The following TRIQK variants were observed in gnomAD, a reference collection of about 807,000 sequenced individuals.
The protein encoded by TRIQK is triple QxxK/R motif-containing protein.
Under a neutral mutation model 10.8 loss-of-function variants are expected in TRIQK, and 10 were observed. That is an observed-to-expected ratio of 0.92 (90% CI 0.57 to 1.57). The LOEUF is 1.57. Ranked by LOEUF, TRIQK falls within the 40% of genes most tolerant of loss-of-function variation. TRIQK has a pLI of 0.00. For synonymous variants in TRIQK, 33 were observed against 33.7 expected (o/e 0.98, Z 0.07); for missense variants, 107 against 97.7 (o/e 1.09, Z -0.40).
At chr8:92,999,204 C>T (rs1208888535) in intron 1 of TRIQK, among the ~76,000 whole-genome samples, 3 of 152,152 alleles carry the variant, frequency 2.0e-5, no homozygotes, top group Non-Finnish European at 4.4e-5. Flanking sequence ...TTGTTGAATA[C>T]TAGCTATTGC....
At chr8:93,017,239 C>A (rs563100855) in intron 1 of TRIQK, among the ~76,000 whole-genome samples, 1 of 151,158 alleles carries the variant, frequency 6.6e-6, no homozygotes, top group African/African-American at 2.4e-5. Flanking sequence ...AATAAGACTG[C>A]GCATGTTTAG....
At chr8:93,017,113 GAGAGAGAGAGAGA>G (rs1813391682) in intron 1 of TRIQK, among the ~76,000 whole-genome samples, 1 of 316 alleles carries the variant, frequency 3.2e-3, no homozygotes, top group South Asian at 0.17. Context: ...TATACTTGGA[GAGAGAGAGAGAGA>G]GAGAGAGAGA....
At chr8:92,889,603 G>A (rs1187847976) in intron 4 of TRIQK, among the ~76,000 whole-genome samples, 1 of 151,570 alleles carries the variant, frequency 6.6e-6, no homozygotes, top group African/African-American at 2.4e-5. Context: ...AACACTGAAG[G>A]AGAGACTTAC....
intron 1 of TRIQK, among the ~76,000 whole-genome samples, chr8:92,998,525 C>G (rs1813175904): frequency 6.6e-6 from 1 of 151,892 alleles, no homozygotes; most frequent in Non-Finnish European, 1.5e-5. Context: ...CATTTTATAT[C>G]TCATCAAAGA....
chr8:92,884,725 T>C lies in TRIQK; in HGVS notation c.*1897A>G, dbSNP rs1816379230. 2.4e-6 allele frequency: 1 copy of C among 410,482 alleles called. No individual in the cohort carries two copies. The highest frequency in any genetic ancestry group is 2.6e-5 in the Admixed American group (1 of 38,662). The allele number at this position is 410,482 out of a possible 1,614,324, so 25.4% of individuals were successfully genotyped here. The stretch of plus-strand genomic sequence containing the variant: ...AAGTATCTAATAAGCAATTATTACA[T>C]ATCCTCTCATTTAAATTACCACTGA... On this transcript the variant is annotated 3_prime_UTR_variant, in exon 5 of 5. Transcript: ENST00000521988.
intron 2 of TRIQK, among the ~76,000 whole-genome samples, chr8:92,931,745 G>T (rs954755507): frequency 6.6e-6 from 1 of 152,034 alleles, no homozygotes; most frequent in Admixed American, 6.6e-5. Context: ...GAGTCAAAGA[G>T]GGCCCCATTC....
rs955286247 is a variant in TRIQK at position 92,884,050 on chromosome 8, T to C, written c.*2572A>G. 1.8e-4 allele frequency: 28 copies of C among 151,942 alleles called. No homozygotes were observed. Among genetic ancestry groups the C allele is most frequent in the Middle Eastern group, 3.4e-3 (1 of 294 alleles). 9.4% of individuals were successfully genotyped at this position (151,942 alleles called of 1,614,324 possible). On this transcript the variant is annotated 3_prime_UTR_variant, in exon 5 of 5. Transcript: ENST00000521988. ...TAGTTGAAATTTATTTTGCAGAGTA[T>C]GTTAACAAACATATTCTAACACTTA...
chr8:92,899,386 C>A (rs2130330088), intron 3 of TRIQK, among the ~76,000 whole-genome samples: 1 of 152,044 alleles, frequency 6.6e-6, no homozygotes, highest in South Asian at 2.1e-4. Context: ...CCCACTCCTT[C>A]CACCCCCTCC....
chr8:92,998,665 A>G (rs1385059089), intron 1 of TRIQK, among the ~76,000 whole-genome samples: 1 of 152,104 alleles, frequency 6.6e-6, no homozygotes, highest in Non-Finnish European at 1.5e-5. Context: ...TATCTCAAAT[A>G]AAATGTTAAT....
At chr8:92,985,220 CTGTG>C (rs34545263) in intron 1 of TRIQK, among the ~76,000 whole-genome samples, 117 of 151,152 alleles carry the variant, frequency 7.7e-4, no homozygotes, top group Admixed American at 1.8e-3. Flanking sequence ...GTGAGATTAT[CTGTG>C]TGTGTGTGTG....
chr8:92,960,503 T>C (rs1290336336), intron 1 of TRIQK: 1 of 152,130 alleles, frequency 6.6e-6, no homozygotes, highest in African/African-American at 2.4e-5. Flanking sequence ...TAAGTTACCT[T>C]AGATTGCAGA....
Position 92,906,662 on chromosome 8 carries a change from T to C in TRIQK, c.61+10267A>G, listed in dbSNP as rs118190238. 1.3e-3 allele frequency among the ~76,000 whole-genome samples: 200 copies of C among 149,930 alleles called. 7 individuals are homozygous for C. In the East Asian group the frequency reaches 0.035, roughly 26 times the overall value. ...TTAAAAACATTTCTTCCTCTTCCTT[T>C]ATGCCAAATCACAATAGAATAAAGG... On this transcript the variant is annotated intron_variant, in intron 3 of 4. Coordinates refer to ENST00000521988, the MANE Select transcript of TRIQK (RefSeq NM_001171797.2).
At chr8:92,991,853 A>G (rs78245058) in intron 1 of TRIQK, among the ~76,000 whole-genome samples, 103 of 152,270 alleles carry the variant, frequency 6.8e-4, no homozygotes, top group African/African-American at 2.3e-3. Context: ...ATTCCTATAC[A>G]CTAACGATAG....
At chr8:92,986,727 G>A (rs180719560) in intron 1 of TRIQK, among the ~76,000 whole-genome samples, 2 of 152,162 alleles carry the variant, frequency 1.3e-5, no homozygotes, top group Admixed American at 1.3e-4. Flanking sequence ...GATAAAATTT[G>A]TTTCATTGTA....
chr8:92,886,660 T>C lies in TRIQK; in HGVS notation c.223A>G (p.Thr75Ala), dbSNP rs911972861. 2 of 1,531,538 alleles carry C rather than the reference T, an allele frequency of 1.3e-6. No homozygotes were observed. The highest frequency in any genetic ancestry group is 1.4e-5 in the African/African-American group (1 of 72,650). The allele number at this position is 1,531,538 out of a possible 1,614,324, so 94.9% of individuals were successfully genotyped here. Residue 75 changes from threonine (T) to alanine (A), a missense_variant, in exon 5 of 5, where the codon ACG becomes GCG. Coordinates refer to ENST00000521988, the MANE Select transcript of TRIQK (RefSeq NM_001171797.2). ...FYAFFYLRLT[T>A]DVDPDLDQDE... ...TGGTCCAGATCAGGGTCAACATCCGTGGTGAGTCTGAGATAAAAGAAAGCA... is the reference window on the plus strand; with the variant it reads ...TGGTCCAGATCAGGGTCAACATCCGCGGTGAGTCTGAGATAAAAGAAAGCA...
intron 1 of TRIQK, among the ~76,000 whole-genome samples, chr8:92,982,302 A>G (rs1174613113): frequency 6.6e-6 from 1 of 151,994 alleles, no homozygotes; most frequent in African/African-American, 2.4e-5. Flanking sequence ...AGAAAACTAG[A>G]TAGCTGGCCT....
At chr8:92,928,714 C>A (rs1810567531) in intron 2 of TRIQK, among the ~76,000 whole-genome samples, 1 of 152,188 alleles carries the variant, frequency 6.6e-6, no homozygotes, top group Non-Finnish European at 1.5e-5. Flanking sequence ...TGAGCAGGGA[C>A]TGTGAAGCCC....
At chr8:92,941,421 A>G (rs774694079) in intron 2 of TRIQK, 1 of 152,196 alleles carries the variant, frequency 6.6e-6, no homozygotes, top group Non-Finnish European at 1.5e-5. Flanking sequence ...AAAACACATC[A>G]AAACCTATGA....
intron 1 of TRIQK, among the ~76,000 whole-genome samples, chr8:92,996,018 C>T (rs1389690118): frequency 2.0e-5 from 3 of 152,018 alleles, no homozygotes; most frequent in Non-Finnish European, 4.4e-5. Context: ...AGGCACTAGA[C>T]GGAGGCCACT....
Sources: allele counts gnomAD v4.1 joint callset (sites outside exome capture counted in the v4.1 genomes callset), GRCh38; gene constraint gnomAD v4.1.1; transcripts MANE v1.5; gene names NCBI Gene and HGNC (gene_info 2026-07-23, HGNC 2026-07-21).